SLC25A19: variants seen among roughly 807,000 people sequenced by gnomAD.
SLC25A19 encodes the protein mitochondrial thiamine pyrophosphate carrier.
A neutral mutation model predicts 27.9 loss-of-function variants in SLC25A19; 18 were observed. The observed-to-expected ratio is 0.64, with a 90% CI of 0.45 to 0.96. The LOEUF (loss-of-function observed/expected upper bound fraction) is 0.96. Ranked by LOEUF, SLC25A19 falls within the 40% of genes least tolerant of loss-of-function variation. The pLI is 0.00. For missense variants in SLC25A19, 371 were observed against 418.3 expected (o/e 0.89, Z 0.99); for synonymous variants, 169 against 167.1 (o/e 1.01, Z -0.09).
intron 4 of SLC25A19, among the ~76,000 whole-genome samples, chr17:75,285,925 C>T (rs1454518742): frequency 1.3e-5 from 2 of 152,226 alleles, no homozygotes; most frequent in African/African-American, 4.8e-5. Context: ...GACTTCTCCT[C>T]CCTGAGATCC....
At chr17:75,286,966 C>T (rs1267103073) in intron 2 of SLC25A19, 164 bp from the exon 3 acceptor site, 16 of 631,226 alleles carry the variant, frequency 2.5e-5, no homozygotes, top group South Asian at 5.3e-5. Flanking sequence ...TTTCGGAGGC[C>T]GAGGTGGGTG....
chr17:75,275,107 G>A (rs1489396995), intron 7 of SLC25A19, among the ~76,000 whole-genome samples: 2 of 146,056 alleles, frequency 1.4e-5, no homozygotes, highest in African/African-American at 5.1e-5. Flanking sequence ...TCCTGCCTCA[G>A]CCTCTCTAGT....
chr17:75,273,732 G>T, intron 7 of SLC25A19, 93 bp from the exon 8 acceptor site: 1 of 1,248,412 alleles, frequency 8.0e-7, no homozygotes, highest in South Asian at 1.2e-5. Context: ...AGTACTTGCT[G>T]GACAAAGAAA....
intron 5 of SLC25A19, among the ~76,000 whole-genome samples, chr17:75,280,946 A>C (rs1345065994): frequency 6.8e-6 from 1 of 147,346 alleles, no homozygotes; most frequent in Non-Finnish European, 1.5e-5. Flanking sequence ...AACAAACAAC[A>C]ACCAAAAAAA....
chr17:75,285,088 A>T, intron 4 of SLC25A19, among the ~76,000 whole-genome samples: 1 of 150,964 alleles, frequency 6.6e-6, no homozygotes, highest in East Asian at 2.0e-4. Flanking sequence ...GTGTACCACC[A>T]TATCTGGCTA....
At chr17:75,283,671 C>T (rs1474725347) in intron 4 of SLC25A19, 78 bp from the exon 5 acceptor site, 3 of 1,450,602 alleles carry the variant, frequency 2.1e-6, no homozygotes, top group South Asian at 1.2e-5. Context: ...ATACATCACC[C>T]GTGACCCGGC....
chr17:75,288,441 TC>T (rs1224570853), intron 2 of SLC25A19, 60 bp downstream of exon 2: 1 of 151,994 alleles, frequency 6.6e-6, no homozygotes, highest in Non-Finnish European at 1.5e-5. Flanking sequence ...AAGCATCCCT[TC>T]CAGGAGATGT....
At position 75,273,447 on chromosome 17, in the gene SLC25A19, G is replaced by C; in HGVS notation, c.*4C>G. On this transcript the variant is annotated 3_prime_UTR_variant, in exon 8 of 8. Coordinates refer to ENST00000416858, the MANE Select transcript of SLC25A19 (RefSeq NM_001126121.2). ...CCAGGGAAGACCTGGGGTCCTTCCT[G>C]CACTCAGCGCTGGCTGGCTGTCCTG... The C allele has an allele frequency of 6.2e-7, 1 of 1,613,508 alleles. No homozygotes were observed. Among genetic ancestry groups the C allele is most frequent in the Non-Finnish European group, 8.5e-7 (1 of 1,179,870 alleles).
At chr17:75,275,077 C>T (rs2077844928) in intron 7 of SLC25A19, among the ~76,000 whole-genome samples, 2 of 137,154 alleles carry the variant, frequency 1.5e-5, no homozygotes, top group Non-Finnish European at 3.1e-5. Context: ...CAGCCTCGAA[C>T]TCCTGGGCTT....
At chr17:75,277,274 T>G in intron 7 of SLC25A19, 79 bp downstream of exon 7, 1 of 1,577,088 alleles carries the variant, frequency 6.3e-7, no homozygotes, top group Non-Finnish European at 8.7e-7. Flanking sequence ...GCCCAATGGG[T>G]AGGAGGTGAC....
At chr17:75,274,553 C>T (rs1394342069) in intron 7 of SLC25A19, among the ~76,000 whole-genome samples, 4 of 152,214 alleles carry the variant, frequency 2.6e-5, no homozygotes, top group African/African-American at 9.6e-5. Flanking sequence ...GCCCTTCCCA[C>T]CTCTGGCCAA....
chr17:75,287,691 A>C (rs1411380903), intron 2 of SLC25A19: 2 of 152,266 alleles, frequency 1.3e-5, no homozygotes, highest in Non-Finnish European at 2.9e-5. Flanking sequence ...TGAGGGACTG[A>C]AGGACGTGCA....
In SLC25A19 at chr17:75,278,370, G is replaced by T. The variant is rs368543005; in HGVS notation, c.460-35C>A. On this transcript the variant is annotated intron_variant, in intron 5 of 7. Transcript: ENST00000416858. ...CACACGCACTTTGAATGAGCTCAGTGAAGTGGTTTTAGCCCTGGAACAGCC... is the reference window on the plus strand; with the variant it reads ...CACACGCACTTTGAATGAGCTCAGTTAAGTGGTTTTAGCCCTGGAACAGCC... 4 of 1,612,994 alleles carry T rather than the reference G, an allele frequency of 2.5e-6. No homozygotes were observed. In the African/African-American group the frequency reaches 5.3e-5, roughly 22 times the overall value.
intron 5 of SLC25A19, among the ~76,000 whole-genome samples, chr17:75,278,551 C>T (rs2077956364): frequency 6.6e-6 from 1 of 152,156 alleles, no homozygotes; most frequent in African/African-American, 2.4e-5. Flanking sequence ...GTTATATCCA[C>T]AGGTGTGCAC....
At chr17:75,288,674 C>A (rs1230373239) in intron 1 of SLC25A19, 83 bp from the exon 2 acceptor site, 1 of 118,900 alleles carries the variant, frequency 8.4e-6, no homozygotes, top group Non-Finnish European at 1.8e-5. Flanking sequence ...AAAAAAAAAT[C>A]CCTAAAACTA....
intron 1 of SLC25A19, among the ~76,000 whole-genome samples, 200 bp from the exon 2 acceptor site, chr17:75,288,791 A>C (rs1429467883): frequency 6.6e-6 from 1 of 152,066 alleles, no homozygotes; most frequent in Admixed American, 6.6e-5. Context: ...CCAGACATCA[A>C]TTCCTTTTCT....
At position 75,273,159 on chromosome 17, in the gene SLC25A19, T is replaced by C. The variant is rs1004218259; in HGVS notation, c.*292A>G. 1.8e-5 allele frequency: 8 copies of C among 448,886 alleles called. No homozygotes were observed. The highest frequency in any genetic ancestry group is 3.3e-5 in the Non-Finnish European group (8 of 241,934). The allele number at this position is 448,886 out of a possible 1,614,324, so 27.8% of individuals were successfully genotyped here. ...GCAGGCAGGGCTGATAGGTGTAGGA[T>C]GGCGTCTGTTTCCTTTGGAGTGTGG... On this transcript the variant is annotated 3_prime_UTR_variant, in exon 8 of 8. Transcript: ENST00000416858.
chr17:75,286,320 C>T lies in SLC25A19; in HGVS notation c.272G>A (p.Gly91Asp). 1 of 1,613,936 alleles carries T rather than the reference C, an allele frequency of 6.2e-7. No individual in the cohort carries two copies. The highest frequency in any genetic ancestry group is 8.5e-7 in the Non-Finnish European group (1 of 1,180,010). ...GCCACCTACTTGGACAGCTCCATAG[C>T]CTATGGAGAGAATCTGAGCTGGGAC... ...GHVPAQILSIGYGAVQFLSFE... is the reference protein window; with the variant it reads ...GHVPAQILSIDYGAVQFLSFE... The change falls in exon 4 of 8, where the codon GGC (glycine) becomes GAC (aspartate). Residue 91 changes from glycine to aspartate, a missense_variant. Transcript: ENST00000416858.
At chr17:75,277,651 G>A (rs1438936297) in intron 6 of SLC25A19, among the ~76,000 whole-genome samples, 168 bp from the exon 7 acceptor site, 2 of 152,118 alleles carry the variant, frequency 1.3e-5, no homozygotes, top group South Asian at 2.1e-4. Flanking sequence ...TAATCTAGGG[G>A]GAGAAGAGCC....
Sources: allele counts gnomAD v4.1 joint callset (sites outside exome capture counted in the v4.1 genomes callset), GRCh38; gene constraint gnomAD v4.1.1; transcripts MANE v1.5; gene names NCBI Gene and HGNC (gene_info 2026-07-23, HGNC 2026-07-21).